ZFTRAF1: variants seen among roughly 807,000 people sequenced by gnomAD.
The protein encoded by ZFTRAF1 is zinc finger TRAF-type and ring finger containing 1, also known as zinc finger TRAF-type-containing protein 1.
chr8:144,450,590 A>G, the ZFTRAF1 span: 1 of 718,092 alleles, frequency 1.4e-6, no homozygotes, highest in Non-Finnish European at 2.6e-6. Flanking sequence ...CGGTGCCGTG[A>G]CCTTGCTCTT....
At chr8:144,461,356 GAC>G in the ZFTRAF1 span, among the ~76,000 whole-genome samples, 4 of 152,206 alleles carry the variant, frequency 2.6e-5, no homozygotes, top group African/African-American at 4.8e-5. Flanking sequence ...GAGAGGGAAA[GAC>G]ACAGGGAAGG....
At chr8:144,461,194 A>T in the ZFTRAF1 span, among the ~76,000 whole-genome samples, 2 of 152,194 alleles carry the variant, frequency 1.3e-5, no homozygotes, top group African/African-American at 4.8e-5. Context: ...CTAGCCCTAC[A>T]CCACCTGCTA....
the ZFTRAF1 span, chr8:144,452,567 T>G: frequency 6.5e-7 from 1 of 1,536,502 alleles, no homozygotes; most frequent in South Asian, 1.2e-5. Context: ...TGCACTGGGT[T>G]ACCCTGGGGG....
At chr8:144,458,190 C>G in the ZFTRAF1 span, among the ~76,000 whole-genome samples, 3 of 152,248 alleles carry the variant, frequency 2.0e-5, no homozygotes, top group African/African-American at 7.2e-5. Context: ...ACCCTCCACC[C>G]AGGCTGGATT....
the ZFTRAF1 span, chr8:144,453,351 T>C: frequency 3.9e-6 from 6 of 1,551,172 alleles, no homozygotes; most frequent in Non-Finnish European, 5.2e-6. Flanking sequence ...GCAGAGGCTC[T>C]TACTGATCTC....
At chr8:144,450,338 G>A in the ZFTRAF1 span, 24 of 698,158 alleles carry the variant, frequency 3.4e-5, no homozygotes, top group Middle Eastern at 4.8e-4. Context: ...GCGGTGCTGG[G>A]ATGCCGCCCG....
the ZFTRAF1 span, among the ~76,000 whole-genome samples, chr8:144,458,299 A>C: frequency 6.6e-6 from 1 of 152,262 alleles, no homozygotes; most frequent in Non-Finnish European, 1.5e-5. Flanking sequence ...TAGATCTAAA[A>C]GTAACTCAAA....
the ZFTRAF1 span, chr8:144,451,541 G>C: frequency 1.3e-5 from 2 of 153,654 alleles, no homozygotes; most frequent in Non-Finnish European, 2.9e-5. Context: ...CATCCCGCTG[G>C]GCACAGTCCA....
At chr8:144,459,170 G>A in the ZFTRAF1 span, among the ~76,000 whole-genome samples, 18 of 152,354 alleles carry the variant, frequency 1.2e-4, no homozygotes, top group Admixed American at 5.2e-4. Context: ...TCTTCCCAGA[G>A]GAGGTGCCCC....
At chr8:144,450,792 G>T in the ZFTRAF1 span, 1 of 679,068 alleles carries the variant, frequency 1.5e-6, no homozygotes, top group Non-Finnish European at 2.8e-6. Context: ...GACAGGGCCG[G>T]AAAGAGCCGG....
the ZFTRAF1 span, chr8:144,457,072 G>C: frequency 6.6e-6 from 1 of 151,772 alleles, no homozygotes; most frequent in Non-Finnish European, 1.5e-5. Flanking sequence ...CCATGGGGAT[G>C]ACATTAAAAG....
At chr8:144,452,110 C>A in the ZFTRAF1 span, 1 of 555,224 alleles carries the variant, frequency 1.8e-6, no homozygotes, top group South Asian at 1.9e-5. Context: ...GTGGCGAGGA[C>A]AGGTGGGCGG....
the ZFTRAF1 span, chr8:144,450,316 G>A: frequency 8.1e-5 from 55 of 676,386 alleles, no homozygotes; most frequent in South Asian, 8.7e-4. Flanking sequence ...TGCCAGCCAG[G>A]TGGACAGGGC....
the ZFTRAF1 span, chr8:144,450,449 A>G: frequency 1.4e-6 from 1 of 717,976 alleles, no homozygotes; most frequent in Non-Finnish European, 2.6e-6. Context: ...GTTGCACTCC[A>G]CGGAGTCAAT....
the ZFTRAF1 span, among the ~76,000 whole-genome samples, chr8:144,461,493 C>T: frequency 1.3e-5 from 2 of 152,162 alleles, no homozygotes; most frequent in Non-Finnish European, 2.9e-5. Context: ...GGGCTGAGTC[C>T]CACTGCCATG....
the ZFTRAF1 span, among the ~76,000 whole-genome samples, chr8:144,460,292 C>G: frequency 6.6e-6 from 1 of 152,258 alleles, no homozygotes; most frequent in Non-Finnish European, 1.5e-5. Flanking sequence ...CTGTTCAGCT[C>G]CCTGCCTCTG....
the ZFTRAF1 span, chr8:144,450,254 T>C: frequency 1.6e-5 from 10 of 618,184 alleles, no homozygotes; most frequent in Admixed American, 2.0e-4. Context: ...CTGTGTTGGC[T>C]TCGTTTGTTC....
At chr8:144,460,821 T>C in the ZFTRAF1 span, among the ~76,000 whole-genome samples, 1 of 151,800 alleles carries the variant, frequency 6.6e-6, no homozygotes, top group African/African-American at 2.4e-5. Flanking sequence ...GAGGCGGAGG[T>C]TGCAGTGAGC....
chr8:144,461,172 T>C, the ZFTRAF1 span, among the ~76,000 whole-genome samples: 2 of 152,122 alleles, frequency 1.3e-5, no homozygotes, highest in African/African-American at 4.8e-5. Flanking sequence ...TTTGGAGAAA[T>C]GGCAACCTAG....
Sources: gnomAD v4.1 joint callset for allele counts (sites outside exome capture counted in the v4.1 genomes callset) on GRCh38, gnomAD v4.1.1 for gene constraint, MANE v1.5 for transcripts, NCBI Gene and HGNC (gene_info 2026-07-23, HGNC 2026-07-21) for gene names.